Variants in MYO10 observed in about 807,000 individuals in gnomAD.
MYO10 encodes myosin X.
MYO10 carries 133 observed loss-of-function variants against 257.3 expected under a neutral mutation model. The ratio of observed to expected loss-of-function variants is 0.52; its 90% CI spans 0.45 to 0.60. The LOEUF is 0.60. Ranked by LOEUF, MYO10 falls within the 20% of genes least tolerant of loss-of-function variation. The pLI is 0.00. For synonymous variants in MYO10, 1,104 were observed against 1,028.6 expected, an observed-to-expected ratio of 1.07 and a Z score of -1.40; for missense variants, 2,399 against 2,635.7, an observed-to-expected ratio of 0.91 and a Z score of 1.97.
At chr5:16,907,095 C>T (rs551157199) in intron 1 of MYO10, among the ~76,000 whole-genome samples, 1 of 151,972 alleles carries the variant, frequency 6.6e-6, no homozygotes, top group Non-Finnish European at 1.5e-5. Flanking sequence ...GCCTGGGCGA[C>T]AGAATGAGAC....
Position 16,684,963 on chromosome 5 carries a change from C to T in MYO10, c.3990+775G>A, listed in dbSNP as rs1347315490. On this transcript the variant is annotated intron_variant, in intron 29 of 40. Coordinates refer to ENST00000513610, the MANE Select transcript of MYO10 (RefSeq NM_012334.3). ...TTGGGAGGCTGAGGCAGGAGAATTG[C>T]TTGAACCTGGAGGCGGAGGTTGCAG... Among the ~76,000 whole-genome samples the T allele has an allele frequency of 2.6e-5, 4 of 151,992 alleles. No individual in the cohort carries two copies. In the East Asian group the frequency reaches 7.7e-4, roughly 29 times the overall value.
intron 28 of MYO10, among the ~76,000 whole-genome samples, chr5:16,689,041 G>C (rs2126517944): frequency 6.6e-6 from 1 of 152,296 alleles, no homozygotes. Context: ...AAAAGTTAAA[G>C]CTCCTTAGGA....
At chr5:16,820,442 G>A (rs2126707031) in intron 2 of MYO10, among the ~76,000 whole-genome samples, 1 of 152,284 alleles carries the variant, frequency 6.6e-6, no homozygotes. Flanking sequence ...GTAGTATAAA[G>A]TAGGGCCCAT....
At chr5:16,838,029 C>G (rs564389479) in intron 2 of MYO10, among the ~76,000 whole-genome samples, 18 of 152,176 alleles carry the variant, frequency 1.2e-4, no homozygotes, top group Non-Finnish European at 1.5e-4. Context: ...ACTGCTCCAC[C>G]GACCAGCTGT....
chr5:16,878,650 C>A (rs1744670559), intron 1 of MYO10, among the ~76,000 whole-genome samples: 1 of 152,132 alleles, frequency 6.6e-6, no homozygotes, highest in Non-Finnish European at 1.5e-5. Flanking sequence ...TACTACTCAG[C>A]CATAAAAAGG....
intron 3 of MYO10, among the ~76,000 whole-genome samples, chr5:16,799,618 A>C (rs1187352601): frequency 7.9e-5 from 12 of 151,624 alleles, no homozygotes; most frequent in Non-Finnish European, 1.0e-4. Flanking sequence ...TCAGCTTCCC[A>C]AGTAGCTGGG....
intron 21 of MYO10, among the ~76,000 whole-genome samples, chr5:16,709,295 T>C (rs1738486809): frequency 6.6e-6 from 1 of 152,148 alleles, no homozygotes; most frequent in Admixed American, 6.5e-5. Context: ...ACCTATCACC[T>C]GCGGGGGGCA....
At chr5:16,765,852 AAAC>A (rs1435478887) in intron 11 of MYO10, among the ~76,000 whole-genome samples, 1 of 152,220 alleles carries the variant, frequency 6.6e-6, no homozygotes, top group Non-Finnish European at 1.5e-5. Flanking sequence ...CCATCCTCTT[AAAC>A]AACAATTCGA....
chr5:16,802,788 A>G (rs1250663316), intron 3 of MYO10, among the ~76,000 whole-genome samples: 1 of 152,128 alleles, frequency 6.6e-6, no homozygotes, highest in Admixed American at 6.5e-5. Context: ...TTGAGAGGAA[A>G]TAACAAGAAA....
chr5:16,878,850 G>A (rs994698151), intron 1 of MYO10, among the ~76,000 whole-genome samples: 4 of 152,036 alleles, frequency 2.6e-5, no homozygotes, highest in Non-Finnish European at 5.9e-5. Context: ...GGAGGGTGGC[G>A]AAGGATAAAA....
intron 4 of MYO10, among the ~76,000 whole-genome samples, chr5:16,784,064 C>T (rs1257906958): frequency 6.6e-6 from 1 of 152,044 alleles, no homozygotes; most frequent in Non-Finnish European, 1.5e-5. Context: ...GCCAAGGTCA[C>T]GTGTTAGTGA....
intron 19 of MYO10, among the ~76,000 whole-genome samples, chr5:16,750,476 G>C (rs552910544): frequency 7.9e-5 from 12 of 151,922 alleles, no homozygotes; most frequent in African/African-American, 2.9e-4. Flanking sequence ...CCCCAGATGC[G>C]CGTTCTGGGG....
chr5:16,731,044 C>CTTTTT lies in MYO10; in HGVS notation c.1930-19804_1930-19800dup, dbSNP rs907400094. Among the ~76,000 whole-genome samples, 329 of 136,926 alleles carry CTTTTT rather than the reference C, an allele frequency of 2.4e-3. 4 individuals are homozygous for CTTTTT. The highest frequency in any genetic ancestry group is 8.5e-3 in the African/African-American group (314 of 36,826). The allele number at this position is 136,926 out of a possible 152,430, so 89.8% of individuals were successfully genotyped here. A position where few individuals can be genotyped will look rare whatever the true frequency, so the allele number is the denominator to read the frequency against. On this transcript the variant is annotated intron_variant, in intron 19 of 40. Transcript: ENST00000513610. Reference sequence around the variant, plus strand: ...ATGTACTAGCATTGATCAAAACACACTTTTTTTTTTTTTTTTTTGGAGACT... The same window carrying CTTTTT: ...ATGTACTAGCATTGATCAAAACACACTTTTTTTTTTTTTTTTTTTTTTTGGAGACT...
intron 19 of MYO10, among the ~76,000 whole-genome samples, chr5:16,753,302 G>A (rs2126642023): frequency 6.6e-6 from 1 of 152,018 alleles, no homozygotes; most frequent in East Asian, 1.9e-4. Context: ...AAGTAGGTGG[G>A]ACTACAGGCA....
At chr5:16,878,055 T>C (rs1272212351) in intron 1 of MYO10, among the ~76,000 whole-genome samples, 3 of 152,214 alleles carry the variant, frequency 2.0e-5, no homozygotes, top group Non-Finnish European at 4.4e-5. Context: ...ACCAGAGGCC[T>C]AGAGGTAAAC....
intron 2 of MYO10, among the ~76,000 whole-genome samples, chr5:16,850,648 T>C (rs1743772965): frequency 6.6e-6 from 1 of 152,000 alleles, no homozygotes; most frequent in Non-Finnish European, 1.5e-5. Flanking sequence ...GACTCAAATG[T>C]CTGTTGGCAG....
intron 26 of MYO10, 140 bp downstream of exon 26, chr5:16,699,310 G>A (rs1737913407): frequency 8.7e-7 from 1 of 1,142,962 alleles, no homozygotes; most frequent in Non-Finnish European, 1.2e-6. Context: ...GTAAGGGTAG[G>A]TAGAACGACT....
intron 4 of MYO10, among the ~76,000 whole-genome samples, chr5:16,784,937 T>G: frequency 6.6e-6 from 1 of 152,098 alleles, no homozygotes; most frequent in East Asian, 1.9e-4. Context: ...CAGGGGCCAG[T>G]GTCACGATTC....
At chr5:16,820,349 G>C (rs925210792) in intron 2 of MYO10, among the ~76,000 whole-genome samples, 6 of 152,130 alleles carry the variant, frequency 3.9e-5, no homozygotes, top group African/African-American at 1.4e-4. Flanking sequence ...AACCAGACAG[G>C]TACTTGCGTC....
Sources: allele counts gnomAD v4.1 joint callset (sites outside exome capture counted in the v4.1 genomes callset), GRCh38; gene constraint gnomAD v4.1.1; transcripts MANE v1.5; gene names NCBI Gene and HGNC (gene_info 2026-07-23, HGNC 2026-07-21).